Variants in MYCBPAP observed in about 807,000 individuals in gnomAD.
MYCBPAP encodes MYCBP associated protein, also known as MYCBP-associated protein.
MYCBPAP carries 60 observed loss-of-function variants against 106.1 expected under a neutral mutation model. The ratio of observed to expected loss-of-function variants is 0.57; its 90% CI spans 0.46 to 0.70. MYCBPAP has a LOEUF of 0.70. Among genes scored for constraint, MYCBPAP ranks in the 30% least tolerant of loss-of-function variants. The pLI is 0.00. For synonymous variants in MYCBPAP, 407 were observed against 440.6 expected (o/e 0.92, Z 0.95); for missense variants, 1,064 against 1,169.3 (o/e 0.91, Z 1.31).
chr17:50,512,069 T>TTTG (rs1460025630), intron 1 of MYCBPAP, among the ~76,000 whole-genome samples: 1 of 150,560 alleles, frequency 6.6e-6, no homozygotes, highest in Non-Finnish European at 1.5e-5. Flanking sequence ...TTTTTTTTTT[T>TTTG]GAGACGGAGT....
chr17:50,508,790 A>C (rs984810633), intron 1 of MYCBPAP, 40 bp downstream of exon 1: 11 of 1,552,942 alleles, frequency 7.1e-6, no homozygotes, highest in African/African-American at 1.4e-5. Flanking sequence ...AGAACCCGAG[A>C]GGGGAAGCGG....
At position 50,517,345 on chromosome 17, in the gene MYCBPAP, A is replaced by G. The variant is rs144231508; in HGVS notation, c.257A>G (p.Lys86Arg). 1.2e-6 allele frequency: 2 copies of G among 1,614,128 alleles called. No homozygotes were observed. Among genetic ancestry groups the G allele is most frequent in the South Asian group, 1.1e-5 (1 of 91,066 alleles). Residue 86 changes from lysine (K) to arginine (R), a missense_variant, in exon 3 of 19, where the codon AAA becomes AGA. Lys to Arg is a conservative substitution (Grantham distance 26). Coordinates refer to ENST00000323776, the MANE Select transcript of MYCBPAP (RefSeq NM_032133.6). ...GAAGATAAACGTGTCATCACCCAGA[A>G]ATTTATCATCCGTAAACTCAAACCC... ...EKEDKRVITQKFIIRKLKPMD... is the reference protein window; with the variant it reads ...EKEDKRVITQRFIIRKLKPMD...
In MYCBPAP at chr17:50,522,022, T is replaced by C. The variant is rs1301979211; in HGVS notation, c.1198T>C (p.Ser400Pro). Reference protein sequence around the residue: ...SDVSMPILGPSLLFCGKPACW... With the variant: ...SDVSMPILGPPLLFCGKPACW... The stretch of plus-strand genomic sequence containing the variant: ...TGTCTCCATGCCTATTCTCGGCCCT[T>C]CTCTGCTGTTCTGTGGGAAGCCAGC... The change falls in exon 10 of 19, where the codon TCT becomes CCT. Residue 400 changes from serine to proline, a missense_variant. Transcript: ENST00000323776. 1 of 1,614,086 alleles carries C rather than the reference T, an allele frequency of 6.2e-7. No individual in the cohort carries two copies. Among genetic ancestry groups the C allele is most frequent in the East Asian group, 2.2e-5 (1 of 44,878 alleles).
At chr17:50,522,900 G>T in intron 10 of MYCBPAP, 39 bp from the exon 11 acceptor site, 1 of 1,590,016 alleles carries the variant, frequency 6.3e-7, no homozygotes, top group South Asian at 1.1e-5. Context: ...CTAGGCCAGG[G>T]TTTGCAGCAA....
At chr17:50,529,295 T>G in intron 18 of MYCBPAP, 107 bp downstream of exon 18, 1 of 1,123,606 alleles carries the variant, frequency 8.9e-7, no homozygotes, top group South Asian at 1.6e-5. Flanking sequence ...GAAGCAGAGC[T>G]GCTTCAGGAA....
At chr17:50,509,534 T>TCTG (rs1340756401) in intron 1 of MYCBPAP, 37 of 117,928 alleles carry the variant, frequency 3.1e-4, no homozygotes, top group African/African-American at 1.3e-3. Flanking sequence ...AGCTTTTTTT[T>TCTG]TCTGTGTGTG....
chr17:50,526,357 G>A (rs2143987936), intron 14 of MYCBPAP, 90 bp downstream of exon 14: 2 of 1,359,936 alleles, frequency 1.5e-6, no homozygotes, highest in Non-Finnish European at 2.0e-6. Context: ...TGCTCTATGG[G>A]CAAAGAAACA....
chr17:50,524,244 G>T (rs1342519627), intron 12 of MYCBPAP, among the ~76,000 whole-genome samples: 2 of 152,198 alleles, frequency 1.3e-5, no homozygotes, highest in African/African-American at 4.8e-5. Context: ...TGAGTGTGAG[G>T]TGGGAGCTTG....
chr17:50,518,876 G>A, intron 5 of MYCBPAP, 98 bp from the exon 6 acceptor site: 2 of 1,448,898 alleles, frequency 1.4e-6, no homozygotes, highest in African/African-American at 1.4e-5. Flanking sequence ...AGTGGATCCT[G>A]AAATCAGCCC....
chr17:50,512,069 T>TTTTG (rs1460025630), intron 1 of MYCBPAP, among the ~76,000 whole-genome samples: 1 of 150,560 alleles, frequency 6.6e-6, no homozygotes. Flanking sequence ...TTTTTTTTTT[T>TTTTG]GAGACGGAGT....
In MYCBPAP at chr17:50,525,936, T is replaced by C. The variant is rs774967987; in HGVS notation, c.1838T>C (p.Met613Thr). Residue 613 changes from methionine (M) to threonine (T), a missense_variant, in exon 14 of 19, where the codon ATG becomes ACG. By Grantham distance (81) the Met-to-Thr change is moderately conservative (BLOSUM62 -1). Coordinates refer to ENST00000323776, the MANE Select transcript of MYCBPAP (RefSeq NM_032133.6). ...QSLHQLWRQYMTLPAKAEEAR... is the reference protein window; with the variant it reads ...QSLHQLWRQYTTLPAKAEEAR... The stretch of plus-strand genomic sequence containing the variant: ...CTGCACCAACTGTGGCGCCAGTACA[T>C]GACCCTGCCCGCCAAGGCTGAGGAG... 7 of 1,613,386 alleles carry C rather than the reference T, an allele frequency of 4.3e-6. No homozygotes were observed. In the African/African-American group the frequency reaches 9.3e-5, roughly 22 times the overall value.
At chr17:50,510,499 G>GTATGTATGTATATA (rs1555618059) in intron 1 of MYCBPAP, 5 of 76,412 alleles carry the variant, frequency 6.5e-5, no homozygotes, top group African/African-American at 2.3e-4. Context: ...GTGTGTGTGT[G>GTATGTATGTATATA]TATATATATA....
chr17:50,514,086 C>T (rs915235614), intron 1 of MYCBPAP, among the ~76,000 whole-genome samples: 1 of 152,144 alleles, frequency 6.6e-6, no homozygotes, highest in Non-Finnish European at 1.5e-5. Flanking sequence ...GATAGGTTCT[C>T]CTGTGTTGCC....
At chr17:50,514,351 G>T (rs1006621051) in intron 1 of MYCBPAP, among the ~76,000 whole-genome samples, 1 of 152,200 alleles carries the variant, frequency 6.6e-6, no homozygotes, top group African/African-American at 2.4e-5. Context: ...GCTGTAAGAA[G>T]CAGTGGATAA....
At chr17:50,518,941 G>A (rs1473727463) in intron 5 of MYCBPAP, 33 bp from the exon 6 acceptor site, 2 of 1,594,344 alleles carry the variant, frequency 1.3e-6, no homozygotes, top group East Asian at 4.5e-5. Flanking sequence ...TTCTGGTTCG[G>A]CAGAGTGGCG....
In MYCBPAP at chr17:50,519,020, G is replaced by A. The variant is rs746270233; in HGVS notation, c.699G>A (p.Glu233=). 5.0e-6 allele frequency: 8 copies of A among 1,614,082 alleles called. No homozygotes were observed. The South Asian group carries it at 6.6e-5, about 13-fold the overall frequency. The stretch of plus-strand genomic sequence containing the variant: ...GTGAGCTGCTCATGCACACCGGGGA[G>A]ACCTACAGACGGATCCAGGAGGAGC... ...PVSELLMHTG[E]TYRRIQEERE... The change falls in exon 6 of 19, where the codon GAG becomes GAA. Residue 233 remains glutamate (E), a synonymous_variant. Transcript: ENST00000323776.
At chr17:50,523,822 G>A (rs1176196551) in intron 12 of MYCBPAP, 38 bp downstream of exon 12, 1 of 1,580,156 alleles carries the variant, frequency 6.3e-7, no homozygotes, top group Non-Finnish European at 8.6e-7. Flanking sequence ...TGGACATCAG[G>A]TAGGGTATCC....
rs1027104662 is a variant in MYCBPAP, at chr17:50,519,524, T to C, written c.769-116T>C. 25 of 1,252,868 alleles carry C rather than the reference T, an allele frequency of 2.0e-5. No homozygotes were observed. The African/African-American group carries it at 3.6e-4, about 18-fold the overall frequency. 77.6% of individuals were successfully genotyped at this position (1,252,868 alleles called of 1,614,324 possible). ...TTCTGTTATGCAATCACGGCAGCAA[T>C]GAATTCCCCAGAGGAAGCATCTGTA... On this transcript the variant is annotated intron_variant, in intron 6 of 18. Transcript: ENST00000323776.
chr17:50,510,523 A>C (rs1368444571), intron 1 of MYCBPAP: 1 of 134,166 alleles, frequency 7.5e-6, no homozygotes, highest in African/African-American at 2.7e-5. Context: ...ATATATATAT[A>C]TATATATATA....
Sources: allele counts gnomAD v4.1 joint callset (sites outside exome capture counted in the v4.1 genomes callset), GRCh38; gene constraint gnomAD v4.1.1; transcripts MANE v1.5; gene names NCBI Gene and HGNC (gene_info 2026-07-23, HGNC 2026-07-21).